The following KSR2 variants were observed in gnomAD, a reference collection of about 807,000 sequenced individuals.
KSR2 encodes the protein kinase suppressor of ras 2.
A neutral mutation model predicts 107.8 loss-of-function variants in KSR2; 25 were observed. The observed-to-expected ratio is 0.23, with a 90% confidence interval of 0.17 to 0.32. The LOEUF (loss-of-function observed/expected upper bound fraction) is 0.32. Ranked by LOEUF, KSR2 falls within the 10% of genes least tolerant of loss-of-function variation. The pLI is 1.00. For synonymous variants in KSR2, 480 were observed against 507.0 expected, an observed-to-expected ratio of 0.95 and a Z score of 0.71; for missense variants, 887 against 1,268.9, an observed-to-expected ratio of 0.70 and a Z score of 4.57.
intron 12 of KSR2, among the ~76,000 whole-genome samples, chr12:117,528,112 T>C (rs1875347757): frequency 6.6e-6 from 1 of 152,096 alleles, no homozygotes; most frequent in Non-Finnish European, 1.5e-5. Context: ...TTATGGGATG[T>C]GCTTTGTGCA....
At chr12:117,939,684 C>G (rs1417150000) in intron 1 of KSR2, among the ~76,000 whole-genome samples, 1 of 151,836 alleles carries the variant, frequency 6.6e-6, no homozygotes, top group African/African-American at 2.4e-5. Flanking sequence ...TGTACTCCAG[C>G]CTGGGCGACA....
intron 1 of KSR2, among the ~76,000 whole-genome samples, chr12:117,927,602 A>G (rs761700611): frequency 2.6e-5 from 4 of 151,976 alleles, no homozygotes; most frequent in African/African-American, 4.8e-5. Context: ...GTGAGCCAGA[A>G]GAATCACTTG....
intron 4 of KSR2, among the ~76,000 whole-genome samples, chr12:117,670,585 A>G (rs1258760373): frequency 6.6e-6 from 1 of 152,222 alleles, no homozygotes; most frequent in Admixed American, 6.5e-5. Flanking sequence ...GGTCAGAGGC[A>G]CTGGGGTGGC....
chr12:117,592,395 T>C (rs1043024080), intron 5 of KSR2, among the ~76,000 whole-genome samples: 15 of 152,106 alleles, frequency 9.9e-5, no homozygotes, highest in African/African-American at 3.6e-4. Flanking sequence ...ATCACAGGCA[T>C]GAGCGACCGT....
At chr12:117,508,499 G>A (rs950529869) in intron 14 of KSR2, among the ~76,000 whole-genome samples, 3 of 152,162 alleles carry the variant, frequency 2.0e-5, no homozygotes, top group African/African-American at 7.2e-5. Context: ...GTTGGAGAGT[G>A]GGAACATGGA....
chr12:117,772,003 CACAA>C (rs753699586), intron 3 of KSR2, among the ~76,000 whole-genome samples: 29 of 145,590 alleles, frequency 2.0e-4, no homozygotes, highest in Non-Finnish European at 3.6e-4. Context: ...CCCAAAGATG[CACAA>C]ACACACACTC....
chr12:117,855,021 T>C (rs1028334411), intron 3 of KSR2, among the ~76,000 whole-genome samples: 21 of 151,986 alleles, frequency 1.4e-4, no homozygotes, highest in African/African-American at 4.8e-4. Context: ...AAATCTATTT[T>C]CTGGTTTATG....
chr12:117,947,191 G>A (rs56274405), intron 1 of KSR2, among the ~76,000 whole-genome samples: 2 of 107,448 alleles, frequency 1.9e-5, no homozygotes, highest in East Asian at 2.6e-4. Context: ...AGAAAGAAAA[G>A]AAAGAAAAGA....
At chr12:117,687,404 T>G (rs1885619131) in intron 4 of KSR2, among the ~76,000 whole-genome samples, 1 of 152,178 alleles carries the variant, frequency 6.6e-6, no homozygotes, top group Non-Finnish European at 1.5e-5. Flanking sequence ...TGCCTGAAAT[T>G]AGTGGGTTTC....
intron 3 of KSR2, among the ~76,000 whole-genome samples, chr12:117,804,033 T>C (rs1890927250): frequency 1.3e-5 from 2 of 152,186 alleles, no homozygotes; most frequent in African/African-American, 4.8e-5. Context: ...CATAGCCATA[T>C]CCATTCTTTT....
At chr12:117,825,519 C>T (rs1891710823) in intron 3 of KSR2, among the ~76,000 whole-genome samples, 1 of 152,178 alleles carries the variant, frequency 6.6e-6, no homozygotes, top group Non-Finnish European at 1.5e-5. Context: ...GCCATCCCTT[C>T]TCTCCTTTGC....
intron 4 of KSR2, among the ~76,000 whole-genome samples, chr12:117,704,631 G>A (rs1886450378): frequency 6.6e-6 from 1 of 152,202 alleles, no homozygotes; most frequent in Non-Finnish European, 1.5e-5. Flanking sequence ...GGCCAAGCAG[G>A]TGGATCACTT....
intron 1 of KSR2, among the ~76,000 whole-genome samples, chr12:117,878,137 A>G (rs1389686317): frequency 1.0e-5 from 1 of 96,422 alleles, no homozygotes; most frequent in Non-Finnish European, 1.8e-5. Context: ...GAATTCAGGC[A>G]AACTTAACTT....
chr12:117,708,597 C>T (rs748688581), intron 4 of KSR2, among the ~76,000 whole-genome samples: 3 of 152,164 alleles, frequency 2.0e-5, no homozygotes, highest in Non-Finnish European at 2.9e-5. Context: ...ATAGTATTGC[C>T]AGAGAATATC....
intron 1 of KSR2, among the ~76,000 whole-genome samples, chr12:117,960,987 T>C (rs1173491823): frequency 1.3e-5 from 2 of 151,882 alleles, no homozygotes; most frequent in Admixed American, 6.6e-5. Context: ...TTGGTAGATA[T>C]GGGGCTTCAC....
Position 117,458,176 on chromosome 12 carries a change from C to G in KSR2, c.*9023G>C, listed in dbSNP as rs1271659570. ...GTGAAGAAATCTCTGTCAGAGAGGACAGAGGTTCACTGAATTCCAGACAAA... is the reference window on the plus strand; with the variant it reads ...GTGAAGAAATCTCTGTCAGAGAGGAGAGAGGTTCACTGAATTCCAGACAAA... On this transcript the variant is annotated 3_prime_UTR_variant, in exon 20 of 20. Transcript: ENST00000339824. 1.3e-5 allele frequency: 2 copies of G among 152,212 alleles called. No individual in the cohort carries two copies. The highest frequency in any genetic ancestry group is 4.8e-5 in the African/African-American group (2 of 41,446). The allele number at this position is 152,212 out of a possible 1,614,324, so 9.4% of individuals were successfully genotyped here. A position where few individuals can be genotyped will look rare whatever the true frequency, so the allele number is the denominator to read the frequency against.
At chr12:117,531,552 A>G in intron 11 of KSR2, 114 bp downstream of exon 11, 1 of 852,780 alleles carries the variant, frequency 1.2e-6, no homozygotes, top group Non-Finnish European at 1.9e-6. Context: ...TGACTCCACT[A>G]CCCTCTTTGA....
At chr12:117,843,508 C>T (rs572218258) in intron 3 of KSR2, among the ~76,000 whole-genome samples, 1 of 152,234 alleles carries the variant, frequency 6.6e-6, no homozygotes, top group South Asian at 2.1e-4. Flanking sequence ...GAATCCCCTT[C>T]TCTGTGTGGT....
intron 14 of KSR2, among the ~76,000 whole-genome samples, chr12:117,521,534 G>A (rs1037335912): frequency 6.6e-6 from 1 of 150,446 alleles, no homozygotes. Context: ...TAGCAATCCT[G>A]CTGCTAATAG....
Sources: allele counts gnomAD v4.1 joint callset (sites outside exome capture counted in the v4.1 genomes callset), GRCh38; gene constraint gnomAD v4.1.1; transcripts MANE v1.5; gene names NCBI Gene and HGNC (gene_info 2026-07-23, HGNC 2026-07-21).